Variants in RBFOX1 observed in about 807,000 individuals in gnomAD.
RBFOX1 encodes the protein RNA binding protein fox-1 homolog 1.
Under a neutral mutation model 57.7 loss-of-function variants are expected in RBFOX1, and 8 were observed. The observed-to-expected ratio is 0.14, with a 90% CI of 0.08 to 0.25. The LOEUF is 0.25. RBFOX1 is among the 10% of genes least tolerant of loss of function. The probability of loss-of-function intolerance (pLI) is 1.00; values close to 1 mark genes in which losing one functional copy is unlikely to be tolerated. For synonymous variants in RBFOX1, 326 were observed against 222.4 expected (o/e 1.47, Z -4.15); for missense variants, 611 against 548.5 (o/e 1.11, Z -1.14).
At chr16:6,949,255 A>T (rs1272117895) in intron 3 of RBFOX1, among the ~76,000 whole-genome samples, 1 of 152,212 alleles carries the variant, frequency 6.6e-6, no homozygotes, top group Non-Finnish European at 1.5e-5. Flanking sequence ...ATCAACAAGA[A>T]ACAGGCTCAA....
At chr16:6,987,825 G>C (rs143720398) in intron 3 of RBFOX1, among the ~76,000 whole-genome samples, 40 of 152,290 alleles carry the variant, frequency 2.6e-4, no homozygotes, top group Non-Finnish European at 5.3e-4. Context: ...TGGAGTGACA[G>C]AAGAGATTAG....
intron 3 of RBFOX1, among the ~76,000 whole-genome samples, chr16:5,698,272 T>G (rs2050912715): frequency 1.3e-5 from 2 of 152,160 alleles, no homozygotes; most frequent in South Asian, 4.1e-4. Flanking sequence ...TCTTTTTATA[T>G]TCACTGAAAA....
At chr16:7,688,694 TAGA>T (rs1568468472) in intron 14 of RBFOX1, among the ~76,000 whole-genome samples, 10 of 152,010 alleles carry the variant, frequency 6.6e-5, no homozygotes, top group African/African-American at 2.4e-4. Context: ...CTGAGGCAGA[TAGA>T]GTATAGATGG....
chr16:6,015,993 A>C (rs935498126), upstream of RBFOX1, among the ~76,000 whole-genome samples: 1 of 152,196 alleles, frequency 6.6e-6, no homozygotes, highest in Non-Finnish European at 1.5e-5. Context: ...GGACTACATA[A>C]ATGGATGAGC....
At chr16:5,837,497 C>T (rs1014339072) in intron 3 of RBFOX1, among the ~76,000 whole-genome samples, 2 of 152,104 alleles carry the variant, frequency 1.3e-5, no homozygotes, top group African/African-American at 4.8e-5. Context: ...CTGCCCTCCT[C>T]CACAGACATT....
chr16:7,386,339 C>G (rs932744484), intron 4 of RBFOX1, among the ~76,000 whole-genome samples: 3 of 152,064 alleles, frequency 2.0e-5, no homozygotes, highest in African/African-American at 7.2e-5. Flanking sequence ...CCCATCACCC[C>G]GTCATCTACA....
intron 1 of RBFOX1, among the ~76,000 whole-genome samples, chr16:6,240,204 C>T (rs927403918): frequency 1.1e-4 from 16 of 152,180 alleles, no homozygotes; most frequent in African/African-American, 3.6e-4. Context: ...GCTTCCTATA[C>T]AGCCTGCAGA....
chr16:6,879,518 T>C (rs2062493364), intron 3 of RBFOX1, among the ~76,000 whole-genome samples: 1 of 152,240 alleles, frequency 6.6e-6, no homozygotes, highest in Non-Finnish European at 1.5e-5. Flanking sequence ...ACTTACTTGC[T>C]ACAAAGTTAG....
chr16:6,830,004 C>A (rs2092588421), intron 3 of RBFOX1, among the ~76,000 whole-genome samples: 1 of 152,022 alleles, frequency 6.6e-6, no homozygotes, highest in South Asian at 2.1e-4. Context: ...GCCACCTCCG[C>A]CTTCTGGGTT....
chr16:5,404,008 G>A (rs183263937), intron 1 of RBFOX1, among the ~76,000 whole-genome samples: 4 of 150,916 alleles, frequency 2.7e-5, no homozygotes, highest in Admixed American at 6.6e-5. Flanking sequence ...GGCATGGGGT[G>A]GTGGGAAGCA....
chr16:7,421,075 T>C (rs1475252653), intron 4 of RBFOX1, among the ~76,000 whole-genome samples: 2 of 151,986 alleles, frequency 1.3e-5, no homozygotes, highest in Non-Finnish European at 2.9e-5. Context: ...TCTTGCAGTC[T>C]TGTGGCGGTG....
At chr16:6,634,722 T>TATATTTGTATTAAATATATACC (rs1353786716) in intron 2 of RBFOX1, among the ~76,000 whole-genome samples, 1 of 138,934 alleles carries the variant, frequency 7.2e-6, no homozygotes, top group Non-Finnish European at 1.5e-5. Context: ...AAATATATAA[T>TATATTTGTATTAAATATATACC]ACAAAGATAT....
downstream of RBFOX1, among the ~76,000 whole-genome samples, chr16:5,601,932 T>C (rs1395053115): frequency 1.3e-5 from 2 of 152,212 alleles, no homozygotes; most frequent in Non-Finnish European, 2.9e-5. Flanking sequence ...ACCTCACTCA[T>C]GGAGGCTGAT....
chr16:5,755,950 A>T (rs2053378932), intron 3 of RBFOX1, among the ~76,000 whole-genome samples: 1 of 152,088 alleles, frequency 6.6e-6, no homozygotes, highest in Non-Finnish European at 1.5e-5. Context: ...GTAGGAGATG[A>T]AGTAAAGGAG....
At chr16:5,623,050 G>C (rs1358237286) in intron 3 of RBFOX1, among the ~76,000 whole-genome samples, 1 of 152,104 alleles carries the variant, frequency 6.6e-6, no homozygotes, top group Non-Finnish European at 1.5e-5. Context: ...CATGGGTTTT[G>C]GTATACGGGG....
intron 14 of RBFOX1, among the ~76,000 whole-genome samples, chr16:7,691,070 C>G (rs1315195198): frequency 6.6e-6 from 1 of 152,054 alleles, no homozygotes; most frequent in African/African-American, 2.4e-5. Context: ...CTTTCTGACA[C>G]CTTATGGTGA....
chr16:5,922,250 C>T (rs542110682), intron 4 of RBFOX1, among the ~76,000 whole-genome samples: 2 of 152,178 alleles, frequency 1.3e-5, no homozygotes, highest in African/African-American at 2.4e-5. Context: ...TTAATCCATT[C>T]ATGAGGGATC....
chr16:5,954,520 T>C (rs933755261), intron 4 of RBFOX1, among the ~76,000 whole-genome samples: 1 of 152,078 alleles, frequency 6.6e-6, no homozygotes, highest in African/African-American at 2.4e-5. Context: ...GCATCTTGAG[T>C]CTTCCATTAT....
At chr16:7,494,494 A>T (rs1311875733) in intron 4 of RBFOX1, among the ~76,000 whole-genome samples, 2 of 152,160 alleles carry the variant, frequency 1.3e-5, no homozygotes, top group Admixed American at 1.3e-4. Flanking sequence ...AACCCCCTGC[A>T]CACTGCCATC....
Sources: gnomAD v4.1 joint callset for allele counts (sites outside exome capture counted in the v4.1 genomes callset) on GRCh38, gnomAD v4.1.1 for gene constraint, MANE v1.5 for transcripts, NCBI Gene and HGNC (gene_info 2026-07-23, HGNC 2026-07-21) for gene names.